Variants in ERC1 observed in about 807,000 individuals in gnomAD.
The protein encoded by ERC1 is ELKS/RAB6-interacting/CAST family member 1, also known as RAB6 interacting protein 2.
In ERC1, 56 loss-of-function variants were observed where a neutral mutation model predicts 132.0. The observed-to-expected ratio is 0.42, with a 90% CI of 0.34 to 0.53. The LOEUF is 0.53. Ranked by LOEUF, ERC1 falls within the 20% of genes least tolerant of loss-of-function variation. The pLI, the probability that ERC1 is intolerant of heterozygous loss-of-function variation, is 0.03. For missense variants in ERC1, 1,202 were observed against 1,349.9 expected (o/e 0.89, Z 1.72); for synonymous variants, 478 against 476.1 (o/e 1.00, Z -0.05).
At chr12:1,482,473 T>G (rs1395379424) in intron 18 of ERC1, among the ~76,000 whole-genome samples, 1 of 151,988 alleles carries the variant, frequency 6.6e-6, no homozygotes, top group Non-Finnish European at 1.5e-5. Flanking sequence ...TGAGATGGAG[T>G]TTCGCTCTTG....
At chr12:1,115,419 T>C (rs903287924) in intron 6 of ERC1, among the ~76,000 whole-genome samples, 1 of 152,184 alleles carries the variant, frequency 6.6e-6, no homozygotes, top group Non-Finnish European at 1.5e-5. Flanking sequence ...TTTTAAATAG[T>C]ACTAGGAGGT....
chr12:1,328,365 A>G (rs1009593343), intron 15 of ERC1, among the ~76,000 whole-genome samples: 8 of 151,686 alleles, frequency 5.3e-5, no homozygotes, highest in African/African-American at 1.9e-4. Flanking sequence ...GCTGGTCTCA[A>G]ACCCCTGAGC....
chr12:1,080,439 G>A (rs571225273), intron 2 of ERC1, among the ~76,000 whole-genome samples: 46 of 152,286 alleles, frequency 3.0e-4, no homozygotes, highest in Non-Finnish European at 5.9e-4. Flanking sequence ...CATCTGTGTT[G>A]TAGCATGTGT....
intron 12 of ERC1, among the ~76,000 whole-genome samples, chr12:1,190,494 ATTG>A (rs907131565): frequency 2.6e-5 from 4 of 152,100 alleles, no homozygotes; most frequent in African/African-American, 9.7e-5. Flanking sequence ...CACAGTTTTT[ATTG>A]TTGAAAAGCA....
At chr12:1,304,733 A>G (rs1243768909) in intron 15 of ERC1, among the ~76,000 whole-genome samples, 5 of 115,282 alleles carry the variant, frequency 4.3e-5, no homozygotes, top group African/African-American at 1.3e-4. Context: ...ACACAGTTCT[A>G]TTATTTCGAG....
intron 1 of ERC1, among the ~76,000 whole-genome samples, chr12:1,007,861 A>G (rs147109885): frequency 1.3e-5 from 2 of 152,286 alleles, no homozygotes; most frequent in African/African-American, 4.8e-5. Context: ...CAGAGATTCA[A>G]GCAGAAAATA....
chr12:1,154,543 T>G (rs1207195267), intron 8 of ERC1, among the ~76,000 whole-genome samples: 1 of 151,586 alleles, frequency 6.6e-6, no homozygotes, highest in Non-Finnish European at 1.5e-5. Context: ...CACAACAAAA[T>G]AAAAATGAAT....
intron 15 of ERC1, among the ~76,000 whole-genome samples, chr12:1,344,957 T>C (rs530565644): frequency 6.6e-6 from 1 of 152,298 alleles, no homozygotes; most frequent in South Asian, 2.1e-4. Flanking sequence ...TTTGTTATTC[T>C]TTTATAAATT....
intron 1 of ERC1, among the ~76,000 whole-genome samples, chr12:995,144 C>T (rs1960558496): frequency 6.6e-6 from 1 of 151,786 alleles, no homozygotes; most frequent in African/African-American, 2.4e-5. Flanking sequence ...ATAGTCTCAG[C>T]TACTCAGGAG....
At chr12:1,277,427 G>A (rs559382742) in intron 14 of ERC1, among the ~76,000 whole-genome samples, 24 of 152,112 alleles carry the variant, frequency 1.6e-4, no homozygotes, top group African/African-American at 5.5e-4. Flanking sequence ...CATCTTTCCC[G>A]GACTTGGAAA....
rs573622320 is a variant in ERC1, at chr12:1,495,284, G to T, written c.*5054G>T. 205 of 229,740 alleles carry T rather than the reference G, an allele frequency of 8.9e-4. 1 individual carries two copies. The highest frequency in any genetic ancestry group is 1.4e-3 in the Non-Finnish European group (162 of 115,852). 14.2% of individuals were successfully genotyped at this position (229,740 alleles called of 1,614,324 possible). On this transcript the variant is annotated 3_prime_UTR_variant, in exon 19 of 19. Transcript: ENST00000360905. ...GCCTGCAATCCAGGTGGAACAGACTGTCCTCCATGTCAGTTCCTTCTGGCT... is the reference window on the plus strand; with the variant it reads ...GCCTGCAATCCAGGTGGAACAGACTTTCCTCCATGTCAGTTCCTTCTGGCT...
intron 15 of ERC1, among the ~76,000 whole-genome samples, chr12:1,350,783 T>G (rs1431551393): frequency 6.6e-6 from 1 of 152,190 alleles, no homozygotes; most frequent in Non-Finnish European, 1.5e-5. Context: ...CATGGTTCTG[T>G]GGGCTAAGAA....
intron 1 of ERC1, among the ~76,000 whole-genome samples, chr12:1,017,672 T>A (rs1314541893): frequency 6.6e-6 from 1 of 151,950 alleles, no homozygotes; most frequent in Non-Finnish European, 1.5e-5. Flanking sequence ...CTAATTTTTG[T>A]ATTTTTCGTA....
At chr12:1,255,995 C>T (rs574482678) in intron 13 of ERC1, among the ~76,000 whole-genome samples, 1 of 152,094 alleles carries the variant, frequency 6.6e-6, no homozygotes, top group South Asian at 2.1e-4. Context: ...TCTCTAATGA[C>T]CAGTGATGAT....
chr12:1,014,734 A>G (rs926047362), intron 1 of ERC1, among the ~76,000 whole-genome samples: 7 of 152,036 alleles, frequency 4.6e-5, no homozygotes, highest in African/African-American at 7.2e-5. Context: ...TATCTTAGAT[A>G]TAGATATTTA....
At chr12:1,297,538 C>CAAA (rs34023344) in intron 15 of ERC1, among the ~76,000 whole-genome samples, 14 of 80,502 alleles carry the variant, frequency 1.7e-4, no homozygotes, top group East Asian at 4.2e-4. Context: ...CCTGTTTCTA[C>CAAA]AAAAAAAAAA....
intron 15 of ERC1, among the ~76,000 whole-genome samples, chr12:1,317,200 T>C (rs979640475): frequency 1.4e-5 from 2 of 148,086 alleles, no homozygotes; most frequent in African/African-American, 5.0e-5. Context: ...GTGTAACATA[T>C]ACACCATGGA....
At chr12:1,426,866 A>T (rs2092657227) in intron 17 of ERC1, among the ~76,000 whole-genome samples, 1 of 151,848 alleles carries the variant, frequency 6.6e-6, no homozygotes, top group African/African-American at 2.4e-5. Flanking sequence ...TCCATCTTCC[A>T]CCTTTTTCGT....
intron 13 of ERC1, among the ~76,000 whole-genome samples, chr12:1,249,848 CTTG>C (rs1220429368): frequency 6.6e-6 from 1 of 152,212 alleles, no homozygotes; most frequent in African/African-American, 2.4e-5. Context: ...GTAGCACCTT[CTTG>C]TTGTGTCCTC....
Sources: allele counts gnomAD v4.1 joint callset (sites outside exome capture counted in the v4.1 genomes callset), GRCh38; gene constraint gnomAD v4.1.1; transcripts MANE v1.5; gene names NCBI Gene and HGNC (gene_info 2026-07-23, HGNC 2026-07-21).